The following WDR72 variants were observed in gnomAD, a reference collection of about 807,000 sequenced individuals.
The protein encoded by WDR72 is WD repeat domain 72, also known as WD repeat-containing protein 72.
Under a neutral mutation model 124.2 loss-of-function variants are expected in WDR72, and 120 were observed. That is an observed-to-expected ratio of 0.97 (90% CI 0.83 to 1.12). The LOEUF (loss-of-function observed/expected upper bound fraction) is 1.12. WDR72 is among the 50% of genes most tolerant of loss of function. The pLI, the probability that WDR72 is intolerant of heterozygous loss-of-function variation, is 0.00. For missense variants in WDR72, 1,387 were observed against 1,278.8 expected (o/e 1.08, Z -1.29); for synonymous variants, 452 against 441.7 (o/e 1.02, Z -0.29).
chr15:53,687,573 G>T (rs1387246641), intron 13 of WDR72, among the ~76,000 whole-genome samples: 1 of 149,482 alleles, frequency 6.7e-6, no homozygotes, highest in Non-Finnish European at 1.5e-5. Flanking sequence ...ATAATCAATA[G>T]CTTACCAACC....
intron 14 of WDR72, among the ~76,000 whole-genome samples, chr15:53,618,749 G>A (rs1239684155): frequency 3.3e-5 from 5 of 151,962 alleles, no homozygotes; most frequent in Non-Finnish European, 5.9e-5. Flanking sequence ...AGGTGTGGAT[G>A]TTTTCCCCCA....
intron 14 of WDR72, among the ~76,000 whole-genome samples, chr15:53,637,981 G>A (rs1185184567): frequency 6.6e-6 from 1 of 152,106 alleles, no homozygotes; most frequent in African/African-American, 2.4e-5. Flanking sequence ...TCAATATTTT[G>A]CAATTAGTAG....
chr15:53,682,409 A>G (rs1352247035), intron 13 of WDR72, among the ~76,000 whole-genome samples: 6 of 152,198 alleles, frequency 3.9e-5, no homozygotes. Context: ...ATATATATAT[A>G]CAACGAGACT....
At chr15:53,653,807 G>A (rs531603954) in intron 14 of WDR72, among the ~76,000 whole-genome samples, 4 of 152,112 alleles carry the variant, frequency 2.6e-5, no homozygotes, top group Non-Finnish European at 5.9e-5. Flanking sequence ...TGCCCCACAT[G>A]ATAAGTGTCA....
At chr15:53,737,861 G>A (rs946956165) in intron 1 of WDR72, among the ~76,000 whole-genome samples, 3 of 152,072 alleles carry the variant, frequency 2.0e-5, no homozygotes, top group Non-Finnish European at 2.9e-5. Flanking sequence ...ACATTTCAAT[G>A]AGACCACGCA....
At chr15:53,736,149 T>G (rs1226320104) in intron 1 of WDR72, among the ~76,000 whole-genome samples, 1 of 152,180 alleles carries the variant, frequency 6.6e-6, no homozygotes, top group Non-Finnish European at 1.5e-5. Flanking sequence ...ACCCAATATT[T>G]ATCTAATATA....
At chr15:53,699,717 A>G (rs767698850) in intron 13 of WDR72, 33 bp downstream of exon 13, 1 of 1,604,978 alleles carries the variant, frequency 6.2e-7, no homozygotes, top group Non-Finnish European at 8.5e-7. Context: ...TCATAAATAT[A>G]TAAAGAATGA....
intron 1 of WDR72, among the ~76,000 whole-genome samples, chr15:53,756,044 T>C (rs1330540048): frequency 6.6e-6 from 1 of 152,192 alleles, no homozygotes; most frequent in Non-Finnish European, 1.5e-5. Flanking sequence ...TGTTCTAATC[T>C]ATACTAAAGC....
chr15:53,702,737 G>A (rs2017222955), intron 11 of WDR72, among the ~76,000 whole-genome samples: 1 of 152,114 alleles, frequency 6.6e-6, no homozygotes. Flanking sequence ...GCTAGGTGTG[G>A]TAGCTCGCAC....
intron 18 of WDR72, chr15:53,540,836 C>G: frequency 6.5e-6 from 1 of 154,804 alleles, no homozygotes; most frequent in Non-Finnish European, 1.4e-5. Flanking sequence ...ACTTGGGAAG[C>G]CCAACGGTCA....
intron 9 of WDR72, among the ~76,000 whole-genome samples, chr15:53,710,434 T>C (rs1002794637): frequency 1.3e-5 from 2 of 152,126 alleles, no homozygotes; most frequent in Non-Finnish European, 2.9e-5. Context: ...AATTGGTGAA[T>C]CTAAGTAAAA....
chr15:53,658,765 A>T (rs2015512790), intron 14 of WDR72, among the ~76,000 whole-genome samples: 1 of 152,208 alleles, frequency 6.6e-6, no homozygotes, highest in South Asian at 2.1e-4. Context: ...AATATCTGAA[A>T]ACTCTCCATT....
Position 53,516,181 on chromosome 15 carries a change from A to G in WDR72, c.*1518T>C, listed in dbSNP as rs1356574905. ...TCATATTAATGCTATGTTAGTTTCT[A>G]AACTTCAACTCAAATGTAATTTCAA... On this transcript the variant is annotated 3_prime_UTR_variant, in exon 20 of 20. Coordinates refer to ENST00000360509, the MANE Select transcript of WDR72 (RefSeq NM_182758.4). The G allele has an allele frequency of 1.3e-5, 2 of 152,122 alleles. No individual in the cohort carries two copies. Among genetic ancestry groups the G allele is most frequent in the Non-Finnish European group, 2.9e-5 (2 of 67,992 alleles). 9.4% of individuals were successfully genotyped at this position (152,122 alleles called of 1,614,324 possible). A position where few individuals can be genotyped will look rare whatever the true frequency, so the allele number is the denominator to read the frequency against.
chr15:53,588,517 C>A (rs1174553372), intron 18 of WDR72, among the ~76,000 whole-genome samples: 2 of 151,858 alleles, frequency 1.3e-5, no homozygotes, highest in Admixed American at 1.3e-4. Flanking sequence ...GAAAATTGGG[C>A]AGATAAATTG....
intron 2 of WDR72, among the ~76,000 whole-genome samples, chr15:53,726,776 C>G (rs746238747): frequency 2.8e-4 from 43 of 152,186 alleles, no homozygotes; most frequent in Middle Eastern, 3.4e-3. Context: ...CTCTAACAGT[C>G]AAGGCTGCAG....
chr15:53,558,976 T>A (rs1894028919), intron 18 of WDR72, among the ~76,000 whole-genome samples: 1 of 152,036 alleles, frequency 6.6e-6, no homozygotes, highest in South Asian at 2.1e-4. Context: ...ATGATTTTTA[T>A]TAAAATCCAC....
rs1314415164 is a variant in WDR72, at chr15:53,649,271, A to G, written c.1962+16301T>C. On this transcript the variant is annotated intron_variant, in intron 14 of 19. Transcript: ENST00000360509. ...TACCAACGCAGAGTTGAGTAGGTGTACCAGAGACTGTATGGCCCACAAAAC... is the reference window on the plus strand; with the variant it reads ...TACCAACGCAGAGTTGAGTAGGTGTGCCAGAGACTGTATGGCCCACAAAAC... Among the ~76,000 whole-genome samples, 3 of 152,160 alleles carry G rather than the reference A, an allele frequency of 2.0e-5. No individual in the cohort carries two copies. In the East Asian group the frequency reaches 5.8e-4, roughly 29 times the overall value.
intron 18 of WDR72, among the ~76,000 whole-genome samples, chr15:53,573,717 T>G (rs1359055963): frequency 3.3e-5 from 5 of 152,174 alleles, no homozygotes; most frequent in Admixed American, 3.3e-4. Flanking sequence ...AGCTAATTTT[T>G]GTATTTTTAG....
intron 1 of WDR72, among the ~76,000 whole-genome samples, chr15:53,758,896 T>G (rs2018989736): frequency 6.6e-6 from 1 of 151,860 alleles, no homozygotes; most frequent in Non-Finnish European, 1.5e-5. Context: ...GAAGATGGTA[T>G]AAGTCAGCAC....
Sources: allele counts gnomAD v4.1 joint callset (sites outside exome capture counted in the v4.1 genomes callset), GRCh38; gene constraint gnomAD v4.1.1; transcripts MANE v1.5; gene names NCBI Gene and HGNC (gene_info 2026-07-23, HGNC 2026-07-21).